Variants in JAK1 observed in about 807,000 individuals in gnomAD.
JAK1 encodes tyrosine-protein kinase JAK1.
Under a neutral mutation model 136.6 loss-of-function variants are expected in JAK1, and 16 were observed. The observed-to-expected ratio is 0.12, with a 90% CI of 0.08 to 0.18. The LOEUF (loss-of-function observed/expected upper bound fraction) is 0.18, where lower values mean the gene tolerates loss of function less well. Ranked by LOEUF, JAK1 falls within the 10% of genes least tolerant of loss-of-function variation. The probability of loss-of-function intolerance (pLI) is 1.00; values close to 1 mark genes in which losing one functional copy is unlikely to be tolerated. For missense variants in JAK1, 859 were observed against 1,450.1 expected, an observed-to-expected ratio of 0.59 and a Z score of 6.62; for synonymous variants, 492 against 519.5, an observed-to-expected ratio of 0.95 and a Z score of 0.72.
chr1:65,060,537 T>A (rs1222777691), intron 1 of JAK1, among the ~76,000 whole-genome samples: 4 of 151,794 alleles, frequency 2.6e-5, no homozygotes, highest in African/African-American at 7.3e-5. Context: ...ATGCAACAAC[T>A]AAACATTTTT....
chr1:64,900,421 G>C (rs1193657311), intron 1 of JAK1, among the ~76,000 whole-genome samples: 1 of 150,314 alleles, frequency 6.7e-6, no homozygotes, highest in African/African-American at 2.5e-5. Context: ...CGAGTTCTGG[G>C]GACAGTAAGC....
intron 2 of JAK1, among the ~76,000 whole-genome samples, chr1:65,040,052 A>G (rs142495797): frequency 1.0e-3 from 153 of 152,112 alleles, no homozygotes; most frequent in Non-Finnish European, 1.9e-3. Flanking sequence ...CTGTCTCTAC[A>G]AAAAATATAA....
chr1:64,959,672 C>T (rs571621932), intron 1 of JAK1, among the ~76,000 whole-genome samples: 15 of 152,128 alleles, frequency 9.9e-5, no homozygotes, highest in Admixed American at 6.5e-4. Flanking sequence ...AATAAAAGCA[C>T]CTTTGTTAGT....
At chr1:64,878,308 A>G (rs1490918415) in intron 4 of JAK1, among the ~76,000 whole-genome samples, 1 of 152,144 alleles carries the variant, frequency 6.6e-6, no homozygotes, top group African/African-American at 2.4e-5. Context: ...CAGCTATTGA[A>G]GTACTGACTG....
At chr1:64,976,350 C>T (rs1159914944) in intron 2 of JAK1, among the ~76,000 whole-genome samples, 1 of 152,188 alleles carries the variant, frequency 6.6e-6, no homozygotes, top group African/African-American at 2.4e-5. Flanking sequence ...TATGTAGCAT[C>T]TTTTTTGGCT....
chr1:65,033,327 AT>A lies in JAK1; in HGVS notation c.-78+11152del, dbSNP rs1170748288. Reference sequence around the variant, plus strand: ...GCCCAACATAATAATAAAATAATAAATTTTTTTTAAACAATAAAATTTTAAA... The same window carrying A: ...GCCCAACATAATAATAAAATAATAAATTTTTTTAAACAATAAAATTTTAAA... On this transcript the variant is annotated intron_variant, in intron 2 of 25. Transcript: ENST00000671954. Among the ~76,000 whole-genome samples, 53 of 151,878 alleles carry A rather than the reference AT, an allele frequency of 3.5e-4. 1 individual carries two copies. The East Asian group carries it at 6.2e-3, about 18-fold the overall frequency.
chr1:64,856,711 C>T (rs920031206), intron 10 of JAK1, among the ~76,000 whole-genome samples: 4 of 152,198 alleles, frequency 2.6e-5, no homozygotes, highest in Non-Finnish European at 5.9e-5. Flanking sequence ...CACGGAGCCC[C>T]GAGGCCCAGC....
intron 2 of JAK1, among the ~76,000 whole-genome samples, chr1:64,981,522 A>T (rs1253267283): frequency 6.6e-6 from 1 of 152,146 alleles, no homozygotes; most frequent in Non-Finnish European, 1.5e-5. Flanking sequence ...GTTTCACAAG[A>T]CCTTCCCTAA....
At chr1:65,044,265 C>T (rs1449448342) in intron 2 of JAK1, among the ~76,000 whole-genome samples, 1 of 152,168 alleles carries the variant, frequency 6.6e-6, no homozygotes, top group Non-Finnish European at 1.5e-5. Context: ...GCTCAGCAGG[C>T]TGGGACCCTG....
chr1:64,945,152 G>A lies in JAK1; in HGVS notation c.-78+21181C>T, dbSNP rs1645961508. On this transcript the variant is annotated intron_variant, in intron 1 of 24. Coordinates refer to ENST00000342505, the MANE Select transcript of JAK1 (RefSeq NM_002227.4). Reference sequence around the variant, plus strand: ...CCCTTACGAAACACAAGAAGGAATCGCCTGCACTTGCCAGTTCTCTCCATG... The same window carrying A: ...CCCTTACGAAACACAAGAAGGAATCACCTGCACTTGCCAGTTCTCTCCATG... Among the ~76,000 whole-genome samples, 4 of 152,100 alleles carry A rather than the reference G, an allele frequency of 2.6e-5. No individual in the cohort carries two copies. The South Asian group carries it at 8.3e-4, about 32-fold the overall frequency.
Position 64,893,397 on chromosome 1 carries a change from A to C in JAK1, c.-77-7056T>G, listed in dbSNP as rs1176189016. On this transcript the variant is annotated intron_variant, in intron 1 of 24. Transcript: ENST00000342505. ...ACCTCTCTGAGCTCAAACCCTGCAT[A>C]ATGAAAAAGTATTGGATGCCCTCCA... Among the ~76,000 whole-genome samples the C allele has an allele frequency of 2.0e-5, 3 of 148,950 alleles. No individual in the cohort carries two copies. The East Asian group carries it at 6.0e-4, about 30-fold the overall frequency.
chr1:64,892,636 T>C (rs1644956517), intron 1 of JAK1, among the ~76,000 whole-genome samples: 1 of 152,236 alleles, frequency 6.6e-6, no homozygotes, highest in Non-Finnish European at 1.5e-5. Context: ...GAAGCACTTG[T>C]GCCATCACAA....
In JAK1 at chr1:64,838,581, C is replaced by T. The variant is rs1282601919; in HGVS notation, c.2851G>A (p.Gly951Ser). The T allele has an allele frequency of 1.2e-6, 2 of 1,613,566 alleles. No individual in the cohort carries two copies. Among genetic ancestry groups the T allele is most frequent in the Non-Finnish European group, 1.7e-6 (2 of 1,179,996 alleles). ...AGAAATTCCATGATGAGCTTAATAC[C>T]ATTTCCTCCTGTTTAGAAAAAACAT... ...KGICTEDGGN[G>S]IKLIMEFLPS... is the part of the protein sequence containing the mutation. The change falls in exon 21 of 25, where the codon GGT becomes AGT. Residue 951 changes from glycine to serine, a missense_variant. By Grantham distance (56) the Gly-to-Ser change is moderately conservative. This residue lies in a region of JAK1 where 409 missense variants were observed against 753.8 expected (regional missense o/e 0.54). Coordinates refer to ENST00000342505, the MANE Select transcript of JAK1 (RefSeq NM_002227.4).
At chr1:64,907,004 CA>C (rs35945175) in intron 1 of JAK1, among the ~76,000 whole-genome samples, 19,531 of 140,352 alleles carry the variant, frequency 0.14, 1,380 homozygotes, top group East Asian at 0.29. Flanking sequence ...AGGAGAAGCA[CA>C]AAAAAAAAAA....
At position 64,833,876 on chromosome 1, in the gene JAK1, A is replaced by G. The variant is rs1438112129; in HGVS notation, c.*686T>C. 4.9e-6 allele frequency: 1 copy of G among 204,532 alleles called. No individual in the cohort carries two copies. The highest frequency in any genetic ancestry group is 2.8e-5 in the African/African-American group (1 of 35,620). 12.7% of individuals were successfully genotyped at this position (204,532 alleles called of 1,614,324 possible). ...ACAGGCTTAGTTCTTGAGAATTAAC[A>G]TGCAGCAAATTATCTATTCCACAGC... On this transcript the variant is annotated 3_prime_UTR_variant, in exon 25 of 25. Coordinates refer to ENST00000342505, the MANE Select transcript of JAK1 (RefSeq NM_002227.4).
chr1:64,931,396 T>C (rs149112210), intron 1 of JAK1, among the ~76,000 whole-genome samples: 1 of 152,170 alleles, frequency 6.6e-6, no homozygotes, highest in East Asian at 1.9e-4. Flanking sequence ...TAAGGTTTCA[T>C]CTACCATGGG....
chr1:64,895,110 C>A (rs1263653815), intron 1 of JAK1, among the ~76,000 whole-genome samples: 1 of 152,152 alleles, frequency 6.6e-6, no homozygotes, highest in East Asian at 1.9e-4. Context: ...AGCCAAGAAT[C>A]CAGCTAGGGT....
chr1:64,972,020 C>T (rs1223555534), intron 2 of JAK1, among the ~76,000 whole-genome samples: 2 of 151,868 alleles, frequency 1.3e-5, no homozygotes, highest in Non-Finnish European at 2.9e-5. Context: ...CAGAACAAGA[C>T]CTTGTCTCAA....
chr1:64,843,981 G>T, intron 17 of JAK1, 83 bp downstream of exon 17: 1 of 1,507,264 alleles, frequency 6.6e-7, no homozygotes, highest in Non-Finnish European at 9.1e-7. Context: ...TTCCCACAGT[G>T]CCAGGCTTCC....
Sources: gnomAD v4.1 joint callset for allele counts (sites outside exome capture counted in the v4.1 genomes callset) on GRCh38, gnomAD v4.1.1 for gene constraint, gnomAD v4.1.1 regional missense constraint, MANE v1.5 for transcripts, NCBI Gene and HGNC (gene_info 2026-07-23, HGNC 2026-07-21) for gene names.